Variants in MUC17 observed in about 807,000 individuals in gnomAD.
MUC17 encodes mucin-17.
A neutral mutation model predicts 170.3 loss-of-function variants in MUC17; 190 were observed. That is an observed-to-expected ratio of 1.12 (90% confidence interval 0.99 to 1.26). The LOEUF (loss-of-function observed/expected upper bound fraction) is 1.26. Among genes scored for constraint, MUC17 ranks in the 50% most tolerant of loss-of-function variants. The pLI is 0.00. For synonymous variants in MUC17, 2,325 were observed against 2,002.5 expected (o/e 1.16, Z -4.30); for missense variants, 6,415 against 5,530.0 (o/e 1.16, Z -5.08).
chr7:101,039,333 T>A lies in MUC17; in HGVS notation c.7917T>A (p.Leu2639=). 2 of 1,613,332 alleles carry A rather than the reference T, an allele frequency of 1.2e-6. No homozygotes were observed. Among genetic ancestry groups the A allele is most frequent in the Non-Finnish European group, 1.7e-6 (2 of 1,179,598 alleles). Residue 2639 remains leucine (L), a synonymous_variant, in exon 3 of 13, where the codon CTT becomes CTA. Transcript: ENST00000306151. ...TAAGTACTTCATTAACAAGTATACT[T>A]GTCAGCACCATGCCAGTGGCCAGTT... ...SEVSTSLTSI[L]VSTMPVASSE...
chr7:101,032,730 A>G lies in MUC17; in HGVS notation c.1314A>G (p.Glu438=), dbSNP rs781271905. 1 of 1,578,732 alleles carries G rather than the reference A, an allele frequency of 6.3e-7. No individual in the cohort carries two copies. Among genetic ancestry groups the G allele is most frequent in the South Asian group, 1.1e-5 (1 of 89,252 alleles). ...SEASSSPTTA[E]DTSIATSTPS... is the part of the protein sequence containing the mutation. ...CCAGCTCATCTCCCACAACTGCTGA[A>G]GATACCAGCATTGCAACCTCAACTC... Residue 438 remains glutamate, a synonymous_variant, in exon 3 of 13, where the codon GAA becomes GAG. Coordinates refer to ENST00000306151, the MANE Select transcript of MUC17 (RefSeq NM_001040105.2).
Position 101,032,932 on chromosome 7 carries a change from C to A in MUC17, c.1516C>A (p.Pro506Thr). 6.2e-7 allele frequency: 1 copy of A among 1,613,278 alleles called. No individual in the cohort carries two copies. Among genetic ancestry groups the A allele is most frequent in the Non-Finnish European group, 8.5e-7 (1 of 1,179,800 alleles). ...AEVNSMPTSTPSEGSTPLTSM... is the reference protein window; with the variant it reads ...AEVNSMPTSTTSEGSTPLTSM... ...AGTTAACAGCATGCCAACCTCAACTCCTAGTGAAGGAAGCACTCCATTAAC... is the reference window on the plus strand; with the variant it reads ...AGTTAACAGCATGCCAACCTCAACTACTAGTGAAGGAAGCACTCCATTAAC... The change falls in exon 3 of 13, where the codon CCT becomes ACT. Residue 506 changes from proline to threonine, a missense_variant. Physicochemically the swap from Pro to Thr is conservative, Grantham distance 38. Transcript: ENST00000306151.
Position 101,048,127 on chromosome 7 carries a change from C to A in MUC17, c.12535+12C>A, listed in dbSNP as rs748136113. 6.4e-7 allele frequency: 1 copy of A among 1,555,382 alleles called. No individual in the cohort carries two copies. Among genetic ancestry groups the A allele is most frequent in the Non-Finnish European group, 8.7e-7 (1 of 1,150,806 alleles). ...CAGCATTGACATAGGTGAGTGCAAC[C>A]CCAGGCCTTCCCCCACCCCATGCCC... On this transcript the variant is annotated intron_variant, in intron 4 of 12. Coordinates refer to ENST00000306151, the MANE Select transcript of MUC17 (RefSeq NM_001040105.2).
rs149741173 is a variant in MUC17 at position 101,033,816 on chromosome 7, T to G, written c.2400T>G (p.Thr800=). Residue 800 remains threonine, a synonymous_variant, in exon 3 of 13, where the codon ACT becomes ACG. Transcript: ENST00000306151. ...TTEGTSMPIS[T]PSEGSPLLTS... ...AAGGTACCAGCATGCCAATCTCAAC[T>G]CCTAGTGAAGGAAGTCCTTTATTAA... 1.2e-6 allele frequency: 2 copies of G among 1,613,768 alleles called. No homozygotes were observed. The highest frequency in any genetic ancestry group is 2.2e-5 in the South Asian group (2 of 91,042).
At position 101,036,767 on chromosome 7, in the gene MUC17, C is replaced by T. The variant is rs779457473; in HGVS notation, c.5351C>T (p.Thr1784Ile). Residue 1784 changes from threonine (T) to isoleucine (I), a missense_variant, in exon 3 of 13, where the codon ACT becomes ATT. Coordinates refer to ENST00000306151, the MANE Select transcript of MUC17 (RefSeq NM_001040105.2). The stretch of plus-strand genomic sequence containing the variant: ...ACCAGCACCCCTGTGACCACTTCTA[C>T]TGAAGCCACTTCGTCTCCTACAACT... ...IDTSTPVTTS[T>I]EATSSPTTAE... 5 of 1,612,594 alleles carry T rather than the reference C, an allele frequency of 3.1e-6. No individual in the cohort carries two copies. The highest frequency in any genetic ancestry group is 1.1e-5 in the South Asian group (1 of 90,858).
intron 6 of MUC17, 91 bp from the exon 7 acceptor site, chr7:101,050,393 T>C (rs1794916005): frequency 6.5e-7 from 1 of 1,529,208 alleles, no homozygotes; most frequent in Non-Finnish European, 8.8e-7. Flanking sequence ...CTGCCTTCCC[T>C]TGGGATCAGA....
chr7:101,023,501 C>T (rs1338504364), intron 1 of MUC17, among the ~76,000 whole-genome samples: 1 of 152,202 alleles, frequency 6.6e-6, no homozygotes, highest in Non-Finnish European at 1.5e-5. Context: ...ATTCTCCTGC[C>T]TCAGCCTCCT....
Position 101,037,515 on chromosome 7 carries a change from C to T in MUC17, c.6099C>T (p.Ser2033=), listed in dbSNP as rs1400770905. Residue 2033 remains serine (S), a synonymous_variant, in exon 3 of 13, where the codon AGC becomes AGT. Transcript: ENST00000306151. ...SSSPTTAGGT[S]IQTSTPSERT... is the part of the protein sequence containing the mutation. The stretch of plus-strand genomic sequence containing the variant: ...CTCCTACAACTGCAGGAGGTACCAG[C>T]ATACAAACCTCAACTCCTAGTGAAC... 1 of 1,613,818 alleles carries T rather than the reference C, an allele frequency of 6.2e-7. No individual in the cohort carries two copies. Among genetic ancestry groups the T allele is most frequent in the South Asian group, 1.1e-5 (1 of 91,040 alleles).
At position 101,036,283 on chromosome 7, in the gene MUC17, A is replaced by T. The variant is rs753324376; in HGVS notation, c.4867A>T (p.Ile1623Phe). The T allele has an allele frequency of 1.2e-5, 20 of 1,613,572 alleles. No individual in the cohort carries two copies. The East Asian group carries it at 4.2e-4, about 34-fold the overall frequency. Residue 1623 changes from isoleucine (I) to phenylalanine (F), a missense_variant, in exon 3 of 13, where the codon ATC becomes TTC. Transcript: ENST00000306151. ...STTAEGSSMT[I>F]STPSEGSPLL... Reference sequence around the variant, plus strand: ...AACCGCTGAAGGTAGCAGCATGACAATCTCAACTCCTAGTGAAGGAAGTCC... The same window carrying T: ...AACCGCTGAAGGTAGCAGCATGACATTCTCAACTCCTAGTGAAGGAAGTCC...
rs1053930665 is a variant in MUC17, at chr7:101,037,694, C to A, written c.6278C>A (p.Thr2093Lys). The A allele has an allele frequency of 1.2e-6, 2 of 1,613,282 alleles. No individual in the cohort carries two copies. Among genetic ancestry groups the A allele is most frequent in the Admixed American group, 3.3e-5 (2 of 59,936 alleles). Residue 2093 changes from threonine (T) to lysine (K), a missense_variant, in exon 3 of 13, where the codon ACA (threonine) becomes AAA (lysine). Physicochemically the swap from Thr to Lys is moderately conservative, Grantham distance 78. Coordinates refer to ENST00000306151, the MANE Select transcript of MUC17 (RefSeq NM_001040105.2). ...GCAACCGCTGAAGGTAGCAGCATGACAATCTCAGCTCCTAGTGAAGGAAGT... is the reference window on the plus strand; with the variant it reads ...GCAACCGCTGAAGGTAGCAGCATGAAAATCTCAGCTCCTAGTGAAGGAAGT... ...SSATAEGSSMTISAPSEGSPL... is the reference protein window; with the variant it reads ...SSATAEGSSMKISAPSEGSPL...
rs749749438 is a variant in MUC17 at position 101,040,130 on chromosome 7, A to T, written c.8714A>T (p.Glu2905Val). ...DTSIPVTTST[E>V]GSSSPTTAEG... ...AGCATACCTGTCACCACTTCTACTG[A>T]AGGCAGTTCTTCTCCTACAACTGCT... Residue 2905 changes from glutamate to valine, a missense_variant, in exon 3 of 13, where the codon GAA (glutamate) becomes GTA (valine). Coordinates refer to ENST00000306151, the MANE Select transcript of MUC17 (RefSeq NM_001040105.2). The T allele has an allele frequency of 6.2e-7, 1 of 1,612,402 alleles. No individual in the cohort carries two copies. Among genetic ancestry groups the T allele is most frequent in the Non-Finnish European group, 8.5e-7 (1 of 1,179,396 alleles).
intron 12 of MUC17, among the ~76,000 whole-genome samples, chr7:101,056,730 A>G (rs1440546937): frequency 1.3e-5 from 2 of 152,136 alleles, no homozygotes; most frequent in Non-Finnish European, 2.9e-5. Context: ...TTGATCTCTA[A>G]CCATTTCAGC....
Position 101,031,854 on chromosome 7 carries a change from C to G in MUC17, c.438C>G (p.Asp146Glu). Reference sequence around the variant, plus strand: ...CTCCTACAACTCCTGAAGGCACCGACGTGCCCATGTCAACACCAAGTGAAG... The same window carrying G: ...CTCCTACAACTCCTGAAGGCACCGAGGTGCCCATGTCAACACCAAGTGAAG... ...TSSPTTPEGT[D>E]VPMSTPSEES... The change falls in exon 3 of 13, where the codon GAC (aspartate) becomes GAG (glutamate). Residue 146 changes from aspartate (D) to glutamate (E), a missense_variant. Coordinates refer to ENST00000306151, the MANE Select transcript of MUC17 (RefSeq NM_001040105.2). The G allele has an allele frequency of 6.2e-7, 1 of 1,614,180 alleles. No homozygotes were observed. Among genetic ancestry groups the G allele is most frequent in the Non-Finnish European group, 8.5e-7 (1 of 1,180,020 alleles).
At chr7:101,043,999 C>A (rs1794790095) in intron 3 of MUC17, among the ~76,000 whole-genome samples, 180 bp downstream of exon 3, 1 of 152,188 alleles carries the variant, frequency 6.6e-6, no homozygotes, top group Non-Finnish European at 1.5e-5. Flanking sequence ...CATCCCCCTA[C>A]CCCATGGCAG....
At chr7:101,047,038 G>A (rs1042732227) in intron 3 of MUC17, among the ~76,000 whole-genome samples, 3 of 150,264 alleles carry the variant, frequency 2.0e-5, no homozygotes, top group Non-Finnish European at 3.0e-5. Flanking sequence ...CCGAGATCAC[G>A]CCACTGCACT....
Position 101,039,366 on chromosome 7 carries a change from T to C in MUC17, c.7950T>C (p.Ala2650=). ...CCATGCCAGTGGCCAGTTCTGAGGCTAGCACCCTTTCAACAACTCCTGTTG... is the reference window on the plus strand; with the variant it reads ...CCATGCCAGTGGCCAGTTCTGAGGCCAGCACCCTTTCAACAACTCCTGTTG... ...VSTMPVASSE[A]STLSTTPVDT... The change falls in exon 3 of 13, where the codon GCT becomes GCC. Residue 2650 remains alanine, a synonymous_variant. Transcript: ENST00000306151. The C allele has an allele frequency of 6.2e-7, 1 of 1,612,694 alleles. No homozygotes were observed. The highest frequency in any genetic ancestry group is 8.5e-7 in the Non-Finnish European group (1 of 1,179,338).
intron 1 of MUC17, among the ~76,000 whole-genome samples, chr7:101,021,221 T>C (rs1794074040): frequency 7.0e-6 from 1 of 142,852 alleles, no homozygotes; most frequent in South Asian, 2.4e-4. Flanking sequence ...AGCCTCGCTC[T>C]GTCACCCAGG....
Position 101,029,890 on chromosome 7 carries a change from T to C in MUC17, c.83-1230T>C, listed in dbSNP as rs552266089. Among the ~76,000 whole-genome samples the C allele has an allele frequency of 1.2e-4, 19 of 152,216 alleles. 1 individual carries two copies. In the South Asian group the frequency reaches 3.9e-3, roughly 32 times the overall value. ...CTGAGATTACAGGCGTGAACCACCG[T>C]GCCCGACCTCTTTTAGGTTTTTTTT... On this transcript the variant is annotated intron_variant, in intron 1 of 12. Coordinates refer to ENST00000306151, the MANE Select transcript of MUC17 (RefSeq NM_001040105.2).
intron 1 of MUC17, among the ~76,000 whole-genome samples, chr7:101,030,803 A>G (rs945128871): frequency 3.9e-5 from 6 of 152,138 alleles, no homozygotes; most frequent in African/African-American, 1.4e-4. Context: ...TAGTGCAATC[A>G]TAGCTCACTG....
Sources: allele counts gnomAD v4.1 joint callset (sites outside exome capture counted in the v4.1 genomes callset), GRCh38; gene constraint gnomAD v4.1.1; transcripts MANE v1.5; gene names NCBI Gene and HGNC (gene_info 2026-07-23, HGNC 2026-07-21).